DLGAP1: variants seen among roughly 807,000 people sequenced by gnomAD.
DLGAP1 encodes DLG associated protein 1, also known as disks large-associated protein 1.
DLGAP1 carries 11 observed loss-of-function variants against 90.8 expected under a neutral mutation model. That is an observed-to-expected ratio of 0.12 (90% CI 0.08 to 0.20). The LOEUF (loss-of-function observed/expected upper bound fraction) is 0.20. Among genes scored for constraint, DLGAP1 ranks in the 10% least tolerant of loss-of-function variants. The probability of loss-of-function intolerance (pLI) is 1.00; values close to 1 mark genes in which losing one functional copy is unlikely to be tolerated. For synonymous variants in DLGAP1, 558 were observed against 540.7 expected, an observed-to-expected ratio of 1.03 and a Z score of -0.44; for missense variants, 1,050 against 1,333.8, an observed-to-expected ratio of 0.79 and a Z score of 3.31.
chr18:4,102,089 A>G (rs2075787933), intron 2 of DLGAP1, among the ~76,000 whole-genome samples: 1 of 152,130 alleles, frequency 6.6e-6, no homozygotes, highest in Non-Finnish European at 1.5e-5. Context: ...TTTAACATAT[A>G]CCAATGTATA....
chr18:3,706,639 G>A (rs970460181), intron 7 of DLGAP1, among the ~76,000 whole-genome samples: 1 of 152,110 alleles, frequency 6.6e-6, no homozygotes, highest in African/African-American at 2.4e-5. Flanking sequence ...GGAGCTTATC[G>A]AAGGCTTGCA....
intron 2 of DLGAP1, among the ~76,000 whole-genome samples, chr18:4,052,600 A>G (rs993777352): frequency 6.6e-6 from 1 of 152,132 alleles, no homozygotes; most frequent in Non-Finnish European, 1.5e-5. Context: ...GGTCTCTGAC[A>G]TGCCCTGGAG....
intron 3 of DLGAP1, among the ~76,000 whole-genome samples, chr18:3,992,618 C>T (rs1419472016): frequency 6.6e-6 from 1 of 152,142 alleles, no homozygotes; most frequent in Non-Finnish European, 1.5e-5. Flanking sequence ...GCAGAGGCTG[C>T]AGTGAGCCGT....
At position 4,270,266 on chromosome 18, in the gene DLGAP1, C is replaced by A. The variant is rs142757008; in HGVS notation, c.-266-118979G>T. Among the ~76,000 whole-genome samples the A allele has an allele frequency of 2.1e-3, 324 of 152,180 alleles. 1 individual carries two copies. The highest frequency in any genetic ancestry group is 3.9e-3 in the Admixed American group (60 of 15,276). On this transcript the variant is annotated intron_variant, in intron 1 of 12. Coordinates refer to ENST00000315677, the MANE Select transcript of DLGAP1 (RefSeq NM_004746.4). ...TTATTTCATTTTCCCCTCTTATTAC[C>A]CTGCAGCTTATTTAACAGAAAGTGC...
At chr18:3,928,083 T>G (rs1475259206) in intron 3 of DLGAP1, among the ~76,000 whole-genome samples, 1 of 152,204 alleles carries the variant, frequency 6.6e-6, no homozygotes, top group Non-Finnish European at 1.5e-5. Context: ...CTCACATTCC[T>G]CCGCTCGCCA....
intron 3 of DLGAP1, among the ~76,000 whole-genome samples, chr18:3,994,555 C>A (rs1248319537): frequency 6.6e-6 from 1 of 152,142 alleles, no homozygotes; most frequent in South Asian, 2.1e-4. Context: ...GCTGAAATTT[C>A]GAGTTGCAGA....
chr18:3,547,006 A>G (rs2053070594), intron 9 of DLGAP1, among the ~76,000 whole-genome samples: 1 of 151,996 alleles, frequency 6.6e-6, no homozygotes, highest in African/African-American at 2.4e-5. Context: ...CATATTACCA[A>G]TATCAGAAAT....
chr18:4,238,811 A>G (rs1435116745), intron 1 of DLGAP1, among the ~76,000 whole-genome samples: 1 of 152,210 alleles, frequency 6.6e-6, no homozygotes, highest in Non-Finnish European at 1.5e-5. Flanking sequence ...TCCAAGAGTA[A>G]TCTGTGGACC....
chr18:3,703,150 T>C (rs2061333067), intron 7 of DLGAP1, among the ~76,000 whole-genome samples: 6 of 152,188 alleles, frequency 3.9e-5, no homozygotes, highest in Admixed American at 2.6e-4. Flanking sequence ...CTAGAGGTCC[T>C]GAATTCCAAA....
chr18:3,767,147 C>T (rs2064284808), intron 5 of DLGAP1, among the ~76,000 whole-genome samples: 2 of 151,986 alleles, frequency 1.3e-5, no homozygotes, highest in South Asian at 4.1e-4. Context: ...GTAAACTTGG[C>T]AATATAGATG....
At chr18:3,968,529 T>C (rs2073376602) in intron 3 of DLGAP1, among the ~76,000 whole-genome samples, 1 of 152,226 alleles carries the variant, frequency 6.6e-6, no homozygotes, top group Non-Finnish European at 1.5e-5. Flanking sequence ...GCAATCTCTT[T>C]ACCCAAACAG....
At chr18:3,604,724 A>G (rs543482471) in intron 7 of DLGAP1, among the ~76,000 whole-genome samples, 82 of 152,298 alleles carry the variant, frequency 5.4e-4, no homozygotes, top group Admixed American at 1.4e-3. Context: ...CTTCTGGAGT[A>G]TCACAGCAAC....
chr18:3,639,917 G>A lies in DLGAP1; in HGVS notation c.1592-57669C>T, dbSNP rs1162003227. 4.1e-5 allele frequency among the ~76,000 whole-genome samples: 6 copies of A among 147,350 alleles called. 1 individual carries two copies. Among genetic ancestry groups the A allele is most frequent in the African/African-American group, 1.5e-4 (6 of 39,784 alleles). On this transcript the variant is annotated intron_variant, in intron 7 of 12. Coordinates refer to ENST00000315677, the MANE Select transcript of DLGAP1 (RefSeq NM_004746.4). ...CTACAGGCGCCCGCCACCACACCCG[G>A]CTAATTTTTTGTATTTTTAGTAGAG...
intron 3 of DLGAP1, among the ~76,000 whole-genome samples, chr18:3,941,306 C>T (rs565801562): frequency 1.3e-3 from 193 of 152,248 alleles, no homozygotes; most frequent in African/African-American, 4.4e-3. Flanking sequence ...GGGTTTGGGG[C>T]TCACGATGGA....
intron 7 of DLGAP1, among the ~76,000 whole-genome samples, chr18:3,618,239 G>T (rs1055112599): frequency 6.6e-6 from 1 of 152,166 alleles, no homozygotes; most frequent in African/African-American, 2.4e-5. Flanking sequence ...GTTACAATTC[G>T]CAGAGTCCGG....
At chr18:3,571,146 G>C (rs2054759258) in intron 8 of DLGAP1, 2 of 151,848 alleles carry the variant, frequency 1.3e-5, no homozygotes, top group African/African-American at 4.8e-5. Flanking sequence ...TTACTATGTA[G>C]TATTCCTGTG....
At position 3,708,010 on chromosome 18, in the gene DLGAP1, C is replaced by CTTT. The variant is rs71368706; in HGVS notation, c.1591+21122_1591+21124dup. 9.2e-3 allele frequency among the ~76,000 whole-genome samples: 1,345 copies of CTTT among 145,990 alleles called. 19 individuals carry two copies. The highest frequency in any genetic ancestry group is 0.027 in the African/African-American group (1,077 of 39,756). On this transcript the variant is annotated intron_variant, in intron 7 of 12. Coordinates refer to ENST00000315677, the MANE Select transcript of DLGAP1 (RefSeq NM_004746.4). ...GCATACAACTCATCCTTTGTAATTC[C>CTTT]TTTTTTTTTTTTTGAGACAGGGTCT... is the stretch of plus-strand genomic sequence containing the variant.
chr18:3,514,034 G>A (rs2050688868), intron 10 of DLGAP1, among the ~76,000 whole-genome samples: 1 of 152,052 alleles, frequency 6.6e-6, no homozygotes, highest in Non-Finnish European at 1.5e-5. Context: ...ATTAGCATAT[G>A]CATCCTTTCC....
At position 3,977,673 on chromosome 18, in the gene DLGAP1, G is replaced by T; in HGVS notation, c.-73+27443C>A. 1.0e-5 allele frequency: 3 copies of T among 299,050 alleles called. No homozygotes were observed. In the South Asian group the frequency reaches 1.1e-4, roughly 11 times the overall value. 18.5% of individuals were successfully genotyped at this position (299,050 alleles called of 1,614,324 possible). ...CTTTGGAGGCCATGTGGACCATAAG[G>T]TCTACTACCCTGTTGCTGTAGCCAA... is the stretch of plus-strand genomic sequence containing the variant. On this transcript the variant is annotated intron_variant, in intron 3 of 12. Transcript: ENST00000315677.
Sources: allele counts gnomAD v4.1 joint callset (sites outside exome capture counted in the v4.1 genomes callset), GRCh38; gene constraint gnomAD v4.1.1; transcripts MANE v1.5; gene names NCBI Gene and HGNC (gene_info 2026-07-23, HGNC 2026-07-21).